HEXB: variants seen among roughly 807,000 people sequenced by gnomAD.
HEXB encodes beta-hexosaminidase subunit beta.
In HEXB, 51 loss-of-function variants were observed where a neutral mutation model predicts 71.2. The ratio of observed to expected loss-of-function variants is 0.72; its 90% CI spans 0.57 to 0.90. The LOEUF is 0.90. Among genes scored for constraint, HEXB ranks in the 40% least tolerant of loss-of-function variants. HEXB has a pLI of 0.00. For missense variants in HEXB, 617 were observed against 677.0 expected, an observed-to-expected ratio of 0.91 and a Z score of 0.98; for synonymous variants, 266 against 249.3, an observed-to-expected ratio of 1.07 and a Z score of -0.63.
chr5:74,662,217 A>T (rs1748339953), intron 1 of HEXB, among the ~76,000 whole-genome samples: 1 of 150,634 alleles, frequency 6.6e-6, no homozygotes, highest in African/African-American at 2.5e-5. Flanking sequence ...CTCATTAGAC[A>T]ATTTTATTTT....
At chr5:74,720,925 ATACAAAAAATGTTGGTGTAACT>A in intron 13 of HEXB, 171 bp from the exon 14 acceptor site, 1 of 761,988 alleles carries the variant, frequency 1.3e-6, no homozygotes, top group Non-Finnish European at 2.2e-6. Flanking sequence ...TGTTTTATAG[ATACAAAAAATGTTGGTGTAACT>A]TAGAACTCCA....
At chr5:74,685,622 G>T (rs577061411) in intron 1 of HEXB, 63 bp downstream of exon 1, 268 of 1,442,286 alleles carry the variant, frequency 1.9e-4, no homozygotes, top group Non-Finnish European at 2.3e-4. Flanking sequence ...CCACCCCGGA[G>T]CGCTGTGCAG....
At chr5:74,682,887 C>T (rs1489077174), upstream of HEXB, among the ~76,000 whole-genome samples, 1 of 152,080 alleles carries the variant, frequency 6.6e-6, no homozygotes, top group African/African-American at 2.4e-5. Flanking sequence ...CAGATTAACA[C>T]AAGGAAAGCA....
chr5:74,659,213 T>C (rs911648722), intron 1 of HEXB, among the ~76,000 whole-genome samples: 7 of 152,158 alleles, frequency 4.6e-5, no homozygotes, highest in African/African-American at 1.4e-4. Flanking sequence ...TTCCCAGAGA[T>C]GTATAAATTT....
chr5:74,661,539 G>A lies in HEXB; in HGVS notation c.-377+20981G>A, dbSNP rs909347554. 1.3e-4 allele frequency among the ~76,000 whole-genome samples: 20 copies of A among 148,744 alleles called. 1 individual carries two copies. Among genetic ancestry groups the A allele is most frequent in the Admixed American group, 1.2e-3 (18 of 14,914 alleles). On this transcript the variant is annotated intron_variant, in intron 1 of 13. Coordinates refer to the HEXB transcript ENST00000511181. Reference sequence around the variant, plus strand: ...TGTGTGTGTGTGTGTGTGTGTGTGTGTGTGTGTGTGTGTGTGTGTGTGTGT... The same window carrying A: ...TGTGTGTGTGTGTGTGTGTGTGTGTATGTGTGTGTGTGTGTGTGTGTGTGT...
At chr5:74,681,918 G>A (rs1216210522), upstream of HEXB, among the ~76,000 whole-genome samples, 1 of 152,242 alleles carries the variant, frequency 6.6e-6, no homozygotes, top group East Asian at 1.9e-4. Context: ...AGGCATTGTG[G>A]CTTCCTCTTT....
In HEXB at chr5:74,685,435, C is replaced by A. The variant is rs2112122807; in HGVS notation, c.175C>A (p.Leu59Met). 6.2e-7 allele frequency: 1 copy of A among 1,608,692 alleles called. No homozygotes were observed. Among genetic ancestry groups the A allele is most frequent in the African/African-American group, 1.3e-5 (1 of 74,784 alleles). The change falls in exon 1 of 14, where the codon CTG becomes ATG. Residue 59 changes from leucine to methionine, a missense_variant. Leu to Met is a conservative substitution (Grantham distance 15, BLOSUM62 2). Transcript: ENST00000261416. ...SAKPGPALWP[L>M]PLLVKMTPNL... ...CAAGCCGGGGCCGGCGCTGTGGCCCCTGCCGCTCTTGGTGAAGATGACCCC... is the reference window on the plus strand; with the variant it reads ...CAAGCCGGGGCCGGCGCTGTGGCCCATGCCGCTCTTGGTGAAGATGACCCC...
chr5:74,705,290 G>C lies in HEXB; in HGVS notation c.741G>C (p.Gln247His), dbSNP rs1749359770. 1 of 1,607,558 alleles carries C rather than the reference G, an allele frequency of 6.2e-7. No homozygotes were observed. The highest frequency in any genetic ancestry group is 8.5e-7 in the Non-Finnish European group (1 of 1,174,176). Residue 247 changes from glutamine to histidine, a missense_variant, in exon 6 of 14, where the codon CAG becomes CAC. Transcript: ENST00000261416. Reference protein sequence around the residue: ...HIVDDQSFPYQSITFPELSNK... With the variant: ...HIVDDQSFPYHSITFPELSNK... ...TTGATGACCAGTCTTTCCCATATCA[G>C]AGCATCACTTTTCCTGAGTTAAGCA...
chr5:74,650,540 AG>A (rs1251019653), intron 1 of HEXB, among the ~76,000 whole-genome samples: 1 of 152,196 alleles, frequency 6.6e-6, no homozygotes, highest in East Asian at 1.9e-4. Context: ...TGGAGGTGTC[AG>A]GGGTCTGCTG....
chr5:74,672,573 GA>G (rs1748559088), intron 1 of HEXB, among the ~76,000 whole-genome samples: 1 of 152,226 alleles, frequency 6.6e-6, no homozygotes, highest in Non-Finnish European at 1.5e-5. Context: ...TCTCTCTCAC[GA>G]AGACAAACTC....
At chr5:74,705,725 G>C (rs1379290372) in intron 6 of HEXB, 1 of 246,214 alleles carries the variant, frequency 4.1e-6, no homozygotes, top group East Asian at 1.0e-4. Context: ...GGGAATTTTA[G>C]AGGTGAGAGT....
Position 74,718,374 on chromosome 5 carries a change from T to C in HEXB, c.1242+11T>C, listed in dbSNP as rs1359848161. 1 of 1,574,538 alleles carries C rather than the reference T, an allele frequency of 6.4e-7. No homozygotes were observed. On this transcript the variant is annotated intron_variant, in intron 10 of 13. Coordinates refer to ENST00000261416, the MANE Select transcript of HEXB (RefSeq NM_000521.4). Reference sequence around the variant, plus strand: ...GATGATAAAGCAAAGGTGAGCATTGTGAAGACTGCATCTGATCAATATAAG... The same window carrying C: ...GATGATAAAGCAAAGGTGAGCATTGCGAAGACTGCATCTGATCAATATAAG...
intron 1 of HEXB, among the ~76,000 whole-genome samples, chr5:74,656,928 A>G (rs375463684): frequency 2.0e-5 from 3 of 152,138 alleles, no homozygotes; most frequent in Non-Finnish European, 4.4e-5. Context: ...ACCTTTTTCC[A>G]AAGTCTCTCT....
intron 1 of HEXB, among the ~76,000 whole-genome samples, chr5:74,645,325 C>T (rs535020338): frequency 6.6e-6 from 1 of 152,336 alleles, no homozygotes; most frequent in South Asian, 2.1e-4. Context: ...CCTCTTCCTC[C>T]TGAGTAGCTG....
At chr5:74,679,463 T>G (rs1422456422) in intron 1 of HEXB, among the ~76,000 whole-genome samples, 8 of 137,572 alleles carry the variant, frequency 5.8e-5, no homozygotes. Flanking sequence ...CCAGCTAGTG[T>G]TCAGGGTGAC....
In HEXB at chr5:74,708,005, G is replaced by A. The variant is rs954830990; in HGVS notation, c.771+2685G>A. Among the ~76,000 whole-genome samples, 6 of 152,004 alleles carry A rather than the reference G, an allele frequency of 3.9e-5. No individual in the cohort carries two copies. In the East Asian group the frequency reaches 7.7e-4, roughly 20 times the overall value. Reference sequence around the variant, plus strand: ...CATAATTGTCAGATTCACCAAAGTTGAAATGAAGGAAAAAATGTTAAGGGC... The same window carrying A: ...CATAATTGTCAGATTCACCAAAGTTAAAATGAAGGAAAAAATGTTAAGGGC... On this transcript the variant is annotated intron_variant, in intron 6 of 13. Transcript: ENST00000261416.
chr5:74,705,405 G>A (rs2112156642), intron 6 of HEXB, 85 bp downstream of exon 6: 1 of 830,036 alleles, frequency 1.2e-6, no homozygotes, highest in Non-Finnish European at 2.1e-6. Flanking sequence ...TTGTTCTTAT[G>A]GATAGAATCA....
chr5:74,647,219 C>T (rs976581887), intron 1 of HEXB, among the ~76,000 whole-genome samples: 2 of 152,186 alleles, frequency 1.3e-5, no homozygotes, highest in African/African-American at 2.4e-5. Context: ...TAATTACATT[C>T]AACAATTGAC....
intron 6 of HEXB, chr5:74,705,521 G>T (rs1304008213): frequency 1.8e-6 from 1 of 561,184 alleles, no homozygotes; most frequent in Non-Finnish European, 3.2e-6. Context: ...TACTGTAATT[G>T]TTACTGTGAA....
Sources: allele counts gnomAD v4.1 joint callset (sites outside exome capture counted in the v4.1 genomes callset), GRCh38; gene constraint gnomAD v4.1.1; transcripts MANE v1.5; gene names NCBI Gene and HGNC (gene_info 2026-07-23, HGNC 2026-07-21).